The following GARS1 variants were observed in gnomAD, a reference collection of about 807,000 sequenced individuals.
The protein encoded by GARS1 is glycyl-tRNA synthetase 1, also known as glycine--tRNA ligase.
GARS1 carries 46 observed loss-of-function variants against 86.4 expected under a neutral mutation model. That is an observed-to-expected ratio of 0.53 (90% CI 0.42 to 0.68). The LOEUF (loss-of-function observed/expected upper bound fraction) is 0.68. Among genes scored for constraint, GARS1 ranks in the 30% least tolerant of loss-of-function variants. The pLI is 0.00. For missense variants in GARS1, 797 were observed against 915.6 expected (o/e 0.87, Z 1.67); for synonymous variants, 342 against 329.8 (o/e 1.04, Z -0.40).
At chr7:30,604,277 C>T (rs769076910) in intron 6 of GARS1, among the ~76,000 whole-genome samples, 3 of 152,190 alleles carry the variant, frequency 2.0e-5, no homozygotes, top group Admixed American at 6.5e-5. Context: ...TGTCTCACCT[C>T]ATCTGTTGGC....
intron 14 of GARS1, among the ~76,000 whole-genome samples, chr7:30,629,989 CT>C (rs1783204314): frequency 6.6e-6 from 1 of 152,084 alleles, no homozygotes; most frequent in African/African-American, 2.4e-5. Context: ...TTCGTAAGGG[CT>C]AAACAAGAAT....
chr7:30,628,016 T>C (rs2128135798), intron 13 of GARS1, among the ~76,000 whole-genome samples: 1 of 152,334 alleles, frequency 6.6e-6, no homozygotes, highest in East Asian at 1.9e-4. Flanking sequence ...TTACACAGTA[T>C]AAACAGAATT....
At chr7:30,603,179 C>A in intron 5 of GARS1, 57 bp downstream of exon 5, 5 of 1,390,266 alleles carry the variant, frequency 3.6e-6, no homozygotes, top group East Asian at 2.3e-5. Flanking sequence ...TTTAAACTTT[C>A]TCTCAGATGT....
intron 1 of GARS1, among the ~76,000 whole-genome samples, chr7:30,597,456 C>T (rs1791275298): frequency 6.6e-6 from 1 of 152,194 alleles, no homozygotes; most frequent in South Asian, 2.1e-4. Context: ...TCCTTTTCCA[C>T]CTACATATGT....
chr7:30,631,709 A>G (rs1320410257), intron 15 of GARS1, among the ~76,000 whole-genome samples, 168 bp downstream of exon 15: 1 of 152,244 alleles, frequency 6.6e-6, no homozygotes, highest in African/African-American at 2.4e-5. Context: ...GCGAGAGGAT[A>G]TGCTTGCTCA....
rs70983380 is a variant in GARS1 at position 30,633,896 on chromosome 7, TAA to T, written c.*50_*51del. 156,520 of 1,291,924 alleles carry T rather than the reference TAA, an allele frequency of 0.12. 1,985 individuals are homozygous for T. Among genetic ancestry groups the T allele is most frequent in the East Asian group, 0.19 (6,814 of 35,266 alleles). The allele number at this position is 1,291,924 out of a possible 1,614,324, so 80.0% of individuals were successfully genotyped here. A position where few individuals can be genotyped will look rare whatever the true frequency, so the allele number is the denominator to read the frequency against. ...GACAACTTTTGACCACTTGCGCTAA[TAA>T]AAAAAAAAAAAAACTACTCTTATGT... On this transcript the variant is annotated 3_prime_UTR_variant, in exon 17 of 17. Transcript: ENST00000389266.
chr7:30,623,364 A>G (rs1413295527), intron 12 of GARS1, among the ~76,000 whole-genome samples: 1 of 152,150 alleles, frequency 6.6e-6, no homozygotes, highest in Admixed American at 6.5e-5. Flanking sequence ...AAACATTAAC[A>G]TGTGAGGTGA....
At chr7:30,631,898 C>T in intron 15 of GARS1, 1 of 389,440 alleles carries the variant, frequency 2.6e-6, no homozygotes. Flanking sequence ...TCCTGGTGGT[C>T]ATCTGGCACA....
rs765982079 is a variant in GARS1, at chr7:30,594,904, G to T, written c.-18G>T. 7 of 1,544,344 alleles carry T rather than the reference G, an allele frequency of 4.5e-6. No individual in the cohort carries two copies. The highest frequency in any genetic ancestry group is 2.3e-4 in the Middle Eastern group (1 of 4,412). Reference sequence around the variant, plus strand: ...CTTCCGTCGCCACCCTCTCTGGACAGCCCAGGGCCGCAGGCTCATGCCCTC... The same window carrying T: ...CTTCCGTCGCCACCCTCTCTGGACATCCCAGGGCCGCAGGCTCATGCCCTC... On this transcript the variant is annotated 5_prime_UTR_variant, in exon 1 of 17. Transcript: ENST00000389266.
At chr7:30,608,557 T>G (rs2128133621) in intron 6 of GARS1, among the ~76,000 whole-genome samples, 1 of 152,328 alleles carries the variant, frequency 6.6e-6, no homozygotes, top group African/African-American at 2.4e-5. Context: ...GCTTAATATT[T>G]TAAATTGCAC....
At chr7:30,622,578 G>T in intron 12 of GARS1, 116 bp downstream of exon 12, 1 of 1,219,432 alleles carries the variant, frequency 8.2e-7, no homozygotes, top group South Asian at 1.2e-5. Context: ...CTGTATCTTG[G>T]CTGCATTTAA....
intron 12 of GARS1, among the ~76,000 whole-genome samples, chr7:30,626,017 G>A (rs1235144677): frequency 1.3e-5 from 2 of 152,174 alleles, no homozygotes; most frequent in Non-Finnish European, 2.9e-5. Context: ...TCAAAATTTG[G>A]TGTATGTCCT....
intron 1 of GARS1, among the ~76,000 whole-genome samples, chr7:30,595,586 T>C (rs1791229933): frequency 6.6e-6 from 1 of 152,224 alleles, no homozygotes; most frequent in South Asian, 2.1e-4. Flanking sequence ...CTTTCAGTGG[T>C]CAATGATGAG....
intron 14 of GARS1, among the ~76,000 whole-genome samples, chr7:30,629,402 CCTTA>C (rs1353990949): frequency 6.6e-6 from 1 of 152,132 alleles, no homozygotes; most frequent in Non-Finnish European, 1.5e-5. Context: ...TATCTCCTTG[CCTTA>C]CTTCACCATT....
At chr7:30,601,370 A>G (rs1791374426) in intron 4 of GARS1, among the ~76,000 whole-genome samples, 170 bp downstream of exon 4, 1 of 152,250 alleles carries the variant, frequency 6.6e-6, no homozygotes, top group Non-Finnish European at 1.5e-5. Flanking sequence ...GCTCACAGAT[A>G]GCTATGTTAA....
At chr7:30,608,429 G>A (rs558993414) in intron 6 of GARS1, among the ~76,000 whole-genome samples, 2 of 152,260 alleles carry the variant, frequency 1.3e-5, no homozygotes, top group African/African-American at 4.8e-5. Flanking sequence ...TATATTTATG[G>A]TACCCGTGTC....
intron 14 of GARS1, among the ~76,000 whole-genome samples, 165 bp downstream of exon 14, chr7:30,628,834 T>A (rs1274636353): frequency 6.6e-6 from 1 of 152,222 alleles, no homozygotes; most frequent in African/African-American, 2.4e-5. Context: ...ACAAACCAGT[T>A]TCCTGTGTTA....
chr7:30,608,209 G>A (rs1791520829), intron 6 of GARS1, among the ~76,000 whole-genome samples: 1 of 152,160 alleles, frequency 6.6e-6, no homozygotes, highest in African/African-American at 2.4e-5. Flanking sequence ...CTAGAAATGG[G>A]ACAAAGGATA....
rs1359108145 is a variant in GARS1 at position 30,628,624 on chromosome 7, A to T, written c.1764A>T (p.Val588=). The T allele has an allele frequency of 3.1e-6, 5 of 1,612,828 alleles. No homozygotes were observed. Among genetic ancestry groups the T allele is most frequent in the Non-Finnish European group, 4.2e-6 (5 of 1,178,872 alleles). Residue 588 remains valine (V), a synonymous_variant, in exon 14 of 17, where the codon GTA becomes GTT. Transcript: ENST00000389266. ...SFGLGRIMYT[V]FEHTFHVREG... is the part of the protein sequence containing the mutation. ...GCCTGGGTAGGATCATGTATACGGT[A>T]TTTGAACATACATTCCATGTACGAG...
Sources: allele counts gnomAD v4.1 joint callset (sites outside exome capture counted in the v4.1 genomes callset), GRCh38; gene constraint gnomAD v4.1.1; transcripts MANE v1.5; gene names NCBI Gene and HGNC (gene_info 2026-07-23, HGNC 2026-07-21).